Variants in SORCS3 observed in about 807,000 individuals in gnomAD.
The protein encoded by SORCS3 is VPS10 domain-containing receptor SorCS3.
SORCS3 carries 57 observed loss-of-function variants against 146.3 expected under a neutral mutation model. That is an observed-to-expected ratio of 0.39 (90% confidence interval 0.31 to 0.49). SORCS3 has a LOEUF of 0.49. SORCS3 is among the 20% of genes least tolerant of loss of function. The pLI is 0.92. For synonymous variants in SORCS3, 653 were observed against 618.5 expected, an observed-to-expected ratio of 1.06 and a Z score of -0.83; for missense variants, 1,341 against 1,575.5, an observed-to-expected ratio of 0.85 and a Z score of 2.52.
intron 1 of SORCS3, among the ~76,000 whole-genome samples, chr10:104,736,656 T>C (rs1354073080): frequency 6.6e-6 from 1 of 152,194 alleles, no homozygotes; most frequent in East Asian, 1.9e-4. Flanking sequence ...GGGAAGTGAG[T>C]CCTTCTGAAA....
intron 4 of SORCS3, among the ~76,000 whole-genome samples, chr10:104,981,037 TG>T (rs112912538): frequency 1.3e-5 from 2 of 151,962 alleles, no homozygotes; most frequent in South Asian, 2.1e-4. Flanking sequence ...TGCAAAGGGG[TG>T]GGGGGCAGAT....
chr10:104,792,828 T>C (rs1339006013), intron 1 of SORCS3, among the ~76,000 whole-genome samples: 2 of 152,144 alleles, frequency 1.3e-5, no homozygotes, highest in East Asian at 3.9e-4. Context: ...AGGAAGACTG[T>C]GGGAGTCTCA....
chr10:105,210,991 G>A (rs886833595), intron 16 of SORCS3, 146 bp from the exon 17 acceptor site: 4 of 548,488 alleles, frequency 7.3e-6, no homozygotes, highest in Non-Finnish European at 1.3e-5. Flanking sequence ...TTCAAAATAT[G>A]AATATTTACC....
At chr10:104,957,139 AACCC>A (rs1185614503) in intron 3 of SORCS3, among the ~76,000 whole-genome samples, 1 of 152,184 alleles carries the variant, frequency 6.6e-6, no homozygotes, top group Non-Finnish European at 1.5e-5. Context: ...GTATTTCTAA[AACCC>A]TAGCTCAAAA....
At chr10:105,168,736 C>T (rs752509554) in intron 13 of SORCS3, among the ~76,000 whole-genome samples, 7 of 152,134 alleles carry the variant, frequency 4.6e-5, no homozygotes, top group Middle Eastern at 3.4e-3. Context: ...TAAGTGAAAC[C>T]GTATGAAATC....
chr10:105,147,061 CA>C, intron 8 of SORCS3, among the ~76,000 whole-genome samples: 1 of 150,396 alleles, frequency 6.6e-6, no homozygotes, highest in South Asian at 2.1e-4. Flanking sequence ...TAAAATATTA[CA>C]CAGAATTCCA....
chr10:104,886,046 G>A lies in SORCS3; in HGVS notation c.696-29787G>A, dbSNP rs148074223. ...AAAAACTGAGGAACCATAAATATCA[G>A]GTGATAGTCTGAGACACCCTGCTGC... On this transcript the variant is annotated intron_variant, in intron 2 of 26. Transcript: ENST00000369701. Among the ~76,000 whole-genome samples, 849 of 152,274 alleles carry A rather than the reference G, an allele frequency of 5.6e-3. 14 individuals carry two copies. The highest frequency in any genetic ancestry group is 0.019 in the African/African-American group (788 of 41,556).
chr10:104,823,844 G>A (rs369932101), intron 1 of SORCS3, among the ~76,000 whole-genome samples: 9 of 152,180 alleles, frequency 5.9e-5, no homozygotes, highest in South Asian at 2.1e-4. Context: ...AAGATAAAGC[G>A]ATTGTCTTGA....
intron 1 of SORCS3, among the ~76,000 whole-genome samples, chr10:104,824,978 C>T (rs1297375558): frequency 6.6e-6 from 1 of 152,224 alleles, no homozygotes; most frequent in Non-Finnish European, 1.5e-5. Context: ...TTGGATGGAC[C>T]TGTGATCTTC....
At chr10:105,023,896 C>T (rs2055212035) in intron 4 of SORCS3, among the ~76,000 whole-genome samples, 1 of 151,838 alleles carries the variant, frequency 6.6e-6, no homozygotes, top group South Asian at 2.1e-4. Flanking sequence ...GGTGGGGAGA[C>T]AAATAGTATG....
intron 1 of SORCS3, among the ~76,000 whole-genome samples, chr10:104,708,591 A>G (rs1283066288): frequency 6.6e-6 from 1 of 152,144 alleles, no homozygotes; most frequent in Non-Finnish European, 1.5e-5. Context: ...GCAAAAATTC[A>G]TGTTTGGATC....
chr10:104,889,915 G>T (rs2133582160), intron 2 of SORCS3, among the ~76,000 whole-genome samples: 1 of 152,106 alleles, frequency 6.6e-6, no homozygotes, highest in South Asian at 2.1e-4. Context: ...TCTTTCATCT[G>T]TTTTAGAAAA....
At chr10:104,834,429 GCTT>G (rs1385860460) in intron 1 of SORCS3, among the ~76,000 whole-genome samples, 3 of 152,174 alleles carry the variant, frequency 2.0e-5, no homozygotes, top group Admixed American at 1.3e-4. Flanking sequence ...ATCTGCTGCT[GCTT>G]CTGCCTGACA....
chr10:105,134,275 G>A (rs1387372957), intron 7 of SORCS3, among the ~76,000 whole-genome samples: 1 of 152,106 alleles, frequency 6.6e-6, no homozygotes, highest in Non-Finnish European at 1.5e-5. Context: ...TTTCATAAAG[G>A]CTATGTGCAG....
chr10:105,075,430 C>G (rs2055582664), intron 5 of SORCS3, among the ~76,000 whole-genome samples: 1 of 152,268 alleles, frequency 6.6e-6, no homozygotes, highest in African/African-American at 2.4e-5. Flanking sequence ...TTGATCCCAG[C>G]AGCTCCTTCA....
chr10:104,890,210 GT>G (rs2018735041), intron 2 of SORCS3, among the ~76,000 whole-genome samples: 1 of 151,816 alleles, frequency 6.6e-6, no homozygotes. Flanking sequence ...TTTTCACCAG[GT>G]TTTGAAAATA....
chr10:104,936,001 G>T (rs538074366), intron 3 of SORCS3, among the ~76,000 whole-genome samples: 2 of 152,266 alleles, frequency 1.3e-5, no homozygotes, highest in African/African-American at 4.8e-5. Context: ...GTCCTAGAAA[G>T]TCCCTTGGGA....
At chr10:105,224,944 T>C (rs1263212485) in intron 20 of SORCS3, among the ~76,000 whole-genome samples, 4 of 152,192 alleles carry the variant, frequency 2.6e-5, no homozygotes, top group Non-Finnish European at 5.9e-5. Context: ...GTTCCATTAC[T>C]TATTGAGTTT....
chr10:104,955,497 T>C (rs1187585555), intron 3 of SORCS3, among the ~76,000 whole-genome samples: 3 of 152,336 alleles, frequency 2.0e-5, no homozygotes, highest in East Asian at 3.9e-4. Context: ...GCACATATAT[T>C]TGTTTATCTG....
Sources: allele counts gnomAD v4.1 joint callset (sites outside exome capture counted in the v4.1 genomes callset), GRCh38; gene constraint gnomAD v4.1.1; transcripts MANE v1.5; gene names NCBI Gene and HGNC (gene_info 2026-07-23, HGNC 2026-07-21).